OR1F1: variants seen among roughly 807,000 people sequenced by gnomAD.
The protein encoded by OR1F1 is olfactory receptor 1F1.
For synonymous variants in OR1F1, 184 were observed against 156.7 expected (o/e 1.17, Z -1.30); for missense variants, 493 against 376.3 (o/e 1.31, Z -2.57).
chr16:3,192,058 C>T, the OR1F1 span, among the ~76,000 whole-genome samples: 3 of 152,064 alleles, frequency 2.0e-5, no homozygotes, highest in Admixed American at 6.5e-5. Flanking sequence ...CCCGGACGAG[C>T]CCCTCTTCTT....
the OR1F1 span, among the ~76,000 whole-genome samples, chr16:3,196,855 C>T: frequency 1.3e-5 from 2 of 151,768 alleles, no homozygotes; most frequent in Non-Finnish European, 2.9e-5. Flanking sequence ...CCACCATGCC[C>T]AGCTATTTTG....
chr16:3,205,057 G>T (rs1958188612), exon 1 of OR1F1: 2 of 1,614,070 alleles, frequency 1.2e-6, no homozygotes, highest in Non-Finnish European at 1.7e-6. Context: ...AGCTGAGAAA[G>T]ACACTATGGC....
chr16:3,200,184 G>A (rs938654163), upstream of OR1F1, among the ~76,000 whole-genome samples: 2 of 152,090 alleles, frequency 1.3e-5, no homozygotes. Flanking sequence ...TGAGAGAGGT[G>A]TTACTAGTAA....
downstream of OR1F1, among the ~76,000 whole-genome samples, chr16:3,206,365 G>A (rs1236313585): frequency 1.3e-5 from 2 of 152,138 alleles, no homozygotes; most frequent in Non-Finnish European, 2.9e-5. Context: ...TTTGCCTTGT[G>A]ATCTCTATTG....
At chr16:3,204,227 G>A, upstream of OR1F1, 1 of 1,554,644 alleles carries the variant, frequency 6.4e-7, no homozygotes, top group Non-Finnish European at 8.7e-7. Context: ...GTCTGCCTCT[G>A]TGTCCAGGAT....
At chr16:3,204,546 G>A in exon 1 of OR1F1, 21 of 1,614,116 alleles carry the variant, frequency 1.3e-5, no homozygotes, top group Non-Finnish European at 1.8e-5. Context: ...GTCTCACACA[G>A]ATGTATTTCG....
the OR1F1 span, among the ~76,000 whole-genome samples, chr16:3,193,531 G>A: frequency 3.9e-5 from 6 of 152,344 alleles, no homozygotes; most frequent in Non-Finnish European, 5.9e-5. Flanking sequence ...GGGAATGGGA[G>A]TTTTCTCTCG....
At chr16:3,206,359 C>T (rs187896158), downstream of OR1F1, among the ~76,000 whole-genome samples, 241 of 152,260 alleles carry the variant, frequency 1.6e-3, 2 homozygotes, top group African/African-American at 5.4e-3. Context: ...TTGTCCTTTG[C>T]CTTGTGATCT....
the OR1F1 span, chr16:3,188,438 A>C: frequency 6.6e-6 from 1 of 152,370 alleles, no homozygotes; most frequent in East Asian, 1.9e-4. Context: ...CAGGGGCATA[A>C]ATTTTTTCTA....
the OR1F1 span, among the ~76,000 whole-genome samples, chr16:3,198,360 G>A: frequency 6.6e-6 from 1 of 152,130 alleles, no homozygotes; most frequent in African/African-American, 2.4e-5. Context: ...AATAGCTGGT[G>A]TGCCATCTGG....
chr16:3,192,022 G>GC, the OR1F1 span, among the ~76,000 whole-genome samples: 1 of 152,060 alleles, frequency 6.6e-6, no homozygotes, highest in East Asian at 1.9e-4. Flanking sequence ...TTCTCGCTTA[G>GC]GATGCGAGAG....
the OR1F1 span, among the ~76,000 whole-genome samples, chr16:3,192,142 C>T: frequency 0.03 from 4,535 of 152,264 alleles, 223 homozygotes; most frequent in African/African-American, 0.1. Context: ...GTTGAAGCTC[C>T]TTCTCCTGGG....
At chr16:3,189,820 A>G in the OR1F1 span, 7 of 152,160 alleles carry the variant, frequency 4.6e-5, no homozygotes, top group African/African-American at 1.7e-4. Context: ...AAAGGTCTCA[A>G]GCTATGTTGA....
At chr16:3,203,829 C>T (rs568275643), upstream of OR1F1, among the ~76,000 whole-genome samples, 1 of 152,256 alleles carries the variant, frequency 6.6e-6, no homozygotes, top group East Asian at 1.9e-4. Flanking sequence ...GACTTAAAGC[C>T]TCAGAGGGAC....
At chr16:3,199,991 A>C (rs8061852), upstream of OR1F1, among the ~76,000 whole-genome samples, 2 of 151,368 alleles carry the variant, frequency 1.3e-5, no homozygotes, top group Non-Finnish European at 2.9e-5. Context: ...ACTGCACCCC[A>C]GGCAACAAGA....
At chr16:3,196,724 G>A in the OR1F1 span, among the ~76,000 whole-genome samples, 14 of 128,316 alleles carry the variant, frequency 1.1e-4, no homozygotes, top group African/African-American at 4.2e-4. Flanking sequence ...TTTTTGAAAT[G>A]GAGTTTCGCT....
At chr16:3,198,309 C>G in the OR1F1 span, among the ~76,000 whole-genome samples, 4 of 151,964 alleles carry the variant, frequency 2.6e-5, no homozygotes, top group East Asian at 7.7e-4. Flanking sequence ...GGCAGGAGGC[C>G]CAGGAAGAGC....
exon 1 of OR1F1, chr16:3,204,787 G>T (rs750115065): frequency 1.2e-6 from 2 of 1,614,036 alleles, no homozygotes. Context: ...CTTCTGCGAT[G>T]TGACTCCCCT....
the OR1F1 span, among the ~76,000 whole-genome samples, chr16:3,193,250 T>C: frequency 0.05 from 7,674 of 152,274 alleles, 667 homozygotes; most frequent in African/African-American, 0.17. Context: ...TGTCATGCCC[T>C]GGACCCCAGG....
Sources: gnomAD v4.1 joint callset for allele counts (sites outside exome capture counted in the v4.1 genomes callset) on GRCh38, gnomAD v4.1.1 for gene constraint, MANE v1.5 for transcripts, NCBI Gene and HGNC (gene_info 2026-07-23, HGNC 2026-07-21) for gene names.